PCSK5: variants seen among roughly 807,000 people sequenced by gnomAD.
PCSK5 encodes proprotein convertase subtilisin/kexin type 5.
In PCSK5, 129 loss-of-function variants were observed where a neutral mutation model predicts 233.2. That is an observed-to-expected ratio of 0.55 (90% CI 0.48 to 0.64). The LOEUF (loss-of-function observed/expected upper bound fraction) is 0.64. Ranked by LOEUF, PCSK5 falls within the 30% of genes least tolerant of loss-of-function variation. The pLI, the probability that PCSK5 is intolerant of heterozygous loss-of-function variation, is 0.00. For synonymous variants in PCSK5, 825 were observed against 879.2 expected (o/e 0.94, Z 1.09); for missense variants, 2,076 against 2,430.1 (o/e 0.85, Z 3.06).
At position 76,157,289 on chromosome 9, in the gene PCSK5, A is replaced by G. The variant is rs368037292; in HGVS notation, c.1430+127A>G. ...TCTGTAGTTTCTCTCTAATGTGACT[A>G]TGAAATGGTAATAGAACGGCTAGGA... On this transcript the variant is annotated intron_variant, in intron 11 of 37. Coordinates refer to ENST00000674117, the MANE Select transcript of PCSK5 (RefSeq NM_001372043.1). The G allele has an allele frequency of 2.4e-5, 16 of 662,550 alleles. No homozygotes were observed. In the East Asian group the frequency reaches 3.6e-4, roughly 15 times the overall value. The allele number at this position is 662,550 out of a possible 1,614,324, so 41.0% of individuals were successfully genotyped here.
At chr9:75,991,425 G>A (rs1826764038) in intron 3 of PCSK5, among the ~76,000 whole-genome samples, 1 of 152,134 alleles carries the variant, frequency 6.6e-6, no homozygotes, top group Admixed American at 6.5e-5. Flanking sequence ...AGCCTCCCCA[G>A]TTATCAGATG....
rs181663582 is a variant in PCSK5, at chr9:76,339,039, C to T, written c.4966+592C>T. ...TTTTCATTCTCACTACCCTCATCTT[C>T]CATTCTCAGTATCTAGTATCACACC... On this transcript the variant is annotated intron_variant, in intron 35 of 37. Transcript: ENST00000674117. Among the ~76,000 whole-genome samples the T allele has an allele frequency of 7.2e-5, 11 of 151,740 alleles. No homozygotes were observed. The East Asian group carries it at 1.9e-3, about 27-fold the overall frequency.
intron 2 of PCSK5, among the ~76,000 whole-genome samples, chr9:75,963,689 A>G (rs926083799): frequency 6.6e-6 from 1 of 152,106 alleles, no homozygotes; most frequent in Non-Finnish European, 1.5e-5. Context: ...GATCAGCCTG[A>G]CCAACATGGT....
intron 10 of PCSK5, among the ~76,000 whole-genome samples, chr9:76,155,555 A>G (rs1243099789): frequency 2.0e-5 from 3 of 152,222 alleles, no homozygotes; most frequent in Non-Finnish European, 4.4e-5. Flanking sequence ...TGGCACAGAT[A>G]AAAGTGCAGT....
At chr9:76,355,250 A>G (rs1830269554) in intron 37 of PCSK5, among the ~76,000 whole-genome samples, 1 of 152,166 alleles carries the variant, frequency 6.6e-6, no homozygotes, top group Admixed American at 6.5e-5. Context: ...AGGAGGGCGG[A>G]TCACAAGGTC....
intron 2 of PCSK5, among the ~76,000 whole-genome samples, chr9:75,957,910 T>C (rs926097611): frequency 2.0e-5 from 3 of 152,210 alleles, no homozygotes; most frequent in Non-Finnish European, 2.9e-5. Context: ...TTTGAGAGAT[T>C]ATGTTATCAT....
intron 9 of PCSK5, among the ~76,000 whole-genome samples, chr9:76,122,978 C>G (rs1832706050): frequency 1.3e-5 from 2 of 151,212 alleles, no homozygotes; most frequent in Admixed American, 6.6e-5. Context: ...GCTGGGATTA[C>G]AGGCACCCGC....
intron 1 of PCSK5, among the ~76,000 whole-genome samples, chr9:75,917,111 G>A (rs540909926): frequency 1.3e-5 from 2 of 149,288 alleles, no homozygotes; most frequent in Admixed American, 1.4e-4. Flanking sequence ...GGAGGTTGCA[G>A]TGAGCCAAGA....
chr9:75,916,701 G>A (rs1823013620), intron 1 of PCSK5, among the ~76,000 whole-genome samples: 1 of 152,148 alleles, frequency 6.6e-6, no homozygotes, highest in African/African-American at 2.4e-5. Flanking sequence ...GAGGGTTAGG[G>A]AGAGGTGTTA....
intron 3 of PCSK5, among the ~76,000 whole-genome samples, chr9:76,010,016 A>G (rs192228901): frequency 6.6e-6 from 1 of 152,164 alleles, no homozygotes; most frequent in East Asian, 1.9e-4. Flanking sequence ...GTTTTAGCCA[A>G]ATAACAACTA....
At chr9:76,000,574 TTCTG>T (rs1827219771) in intron 3 of PCSK5, among the ~76,000 whole-genome samples, 1 of 152,368 alleles carries the variant, frequency 6.6e-6, no homozygotes, top group South Asian at 2.1e-4. Context: ...GAGATACAGT[TTCTG>T]TAGGAAAGGC....
intron 30 of PCSK5, among the ~76,000 whole-genome samples, chr9:76,314,705 CG>C (rs1179656112): frequency 6.6e-6 from 1 of 152,088 alleles, no homozygotes; most frequent in Non-Finnish European, 1.5e-5. Context: ...GGCGCGATCT[CG>C]GCTCACTGCA....
intron 3 of PCSK5, among the ~76,000 whole-genome samples, chr9:76,002,627 G>C (rs1042799050): frequency 6.6e-6 from 1 of 152,186 alleles, no homozygotes; most frequent in African/African-American, 2.4e-5. Flanking sequence ...TTTTCAGTTT[G>C]TCCAGAGGGT....
intron 12 of PCSK5, among the ~76,000 whole-genome samples, chr9:76,168,480 A>G (rs929760847): frequency 4.6e-5 from 7 of 152,202 alleles, no homozygotes; most frequent in Non-Finnish European, 1.0e-4. Flanking sequence ...TACATTATTA[A>G]TGTCTCTTTA....
chr9:75,987,081 G>C (rs1056651443), intron 3 of PCSK5, among the ~76,000 whole-genome samples: 3 of 152,064 alleles, frequency 2.0e-5, no homozygotes, highest in African/African-American at 7.2e-5. Context: ...TTGTATTCCT[G>C]TTCCTGCTTC....
chr9:76,258,802 A>G (rs1211685834), intron 24 of PCSK5, among the ~76,000 whole-genome samples: 1 of 152,202 alleles, frequency 6.6e-6, no homozygotes, highest in African/African-American at 2.4e-5. Context: ...AATTATGTCA[A>G]TTATTCCTTG....
Position 75,953,896 on chromosome 9 carries a change from C to T in PCSK5, c.297+21413C>T, listed in dbSNP as rs530325563. On this transcript the variant is annotated intron_variant, in intron 2 of 37. Transcript: ENST00000674117. ...GAGATGGCATTTTACTTATGAGCCC[C>T]ATTGAAGTCCTGTGGGGGAAGGCCT... Among the ~76,000 whole-genome samples, 12 of 152,166 alleles carry T rather than the reference C, an allele frequency of 7.9e-5. No individual in the cohort carries two copies. The South Asian group carries it at 8.3e-4, about 11-fold the overall frequency.
intron 36 of PCSK5, 39 bp downstream of exon 36, chr9:76,350,967 T>C: frequency 2.9e-6 from 3 of 1,026,998 alleles, no homozygotes; most frequent in Non-Finnish European, 4.5e-6. Context: ...CTGCTCTTTC[T>C]AGAGGGAAAC....
At chr9:76,199,768 G>T (rs1824847218) in intron 20 of PCSK5, among the ~76,000 whole-genome samples, 2 of 152,166 alleles carry the variant, frequency 1.3e-5, no homozygotes, top group Non-Finnish European at 2.9e-5. Context: ...ATATGCTGAT[G>T]ACTCTTAAAA....
Sources: allele counts gnomAD v4.1 joint callset (sites outside exome capture counted in the v4.1 genomes callset), GRCh38; gene constraint gnomAD v4.1.1; transcripts MANE v1.5; gene names NCBI Gene and HGNC (gene_info 2026-07-23, HGNC 2026-07-21).